The following RBFOX1 variants were observed in gnomAD, a reference collection of about 807,000 sequenced individuals.
The protein encoded by RBFOX1 is RNA binding fox-1 homolog 1.
Under a neutral mutation model 57.7 loss-of-function variants are expected in RBFOX1, and 8 were observed. The observed-to-expected ratio is 0.14, with a 90% CI of 0.08 to 0.25. RBFOX1 has a LOEUF of 0.25. Among genes scored for constraint, RBFOX1 ranks in the 10% least tolerant of loss-of-function variants. The pLI, the probability that RBFOX1 is intolerant of heterozygous loss-of-function variation, is 1.00. For missense variants in RBFOX1, 611 were observed against 548.5 expected (o/e 1.11, Z -1.14); for synonymous variants, 326 against 222.4 (o/e 1.47, Z -4.15).
chr16:7,417,534 G>GTGTATT (rs1555882428), intron 4 of RBFOX1, among the ~76,000 whole-genome samples: 8 of 150,344 alleles, frequency 5.3e-5, no homozygotes, highest in East Asian at 2.0e-4. Context: ...GGTATTGTGT[G>GTGTATT]TGTGTGTGTG....
intron 1 of RBFOX1, among the ~76,000 whole-genome samples, chr16:6,302,876 T>A (rs1047992957): frequency 6.6e-6 from 1 of 151,886 alleles, no homozygotes; most frequent in Non-Finnish European, 1.5e-5. Context: ...TAAGGGAGGG[T>A]TTTTAGGTAT....
intron 1 of RBFOX1, among the ~76,000 whole-genome samples, chr16:6,128,909 T>C (rs1247977137): frequency 6.6e-6 from 1 of 152,186 alleles, no homozygotes; most frequent in Non-Finnish European, 1.5e-5. Context: ...AGTTCCAGTT[T>C]CACTAGAATA....
chr16:5,487,728 G>T (rs2042677424), intron 2 of RBFOX1, among the ~76,000 whole-genome samples: 1 of 152,170 alleles, frequency 6.6e-6, no homozygotes, highest in Non-Finnish European at 1.5e-5. Context: ...GGCATAGGAA[G>T]TTTTGTCACA....
intron 1 of RBFOX1, among the ~76,000 whole-genome samples, chr16:6,138,221 C>T (rs897073754): frequency 6.6e-6 from 1 of 152,126 alleles, no homozygotes; most frequent in East Asian, 1.9e-4. Context: ...CCAGCCACAC[C>T]CTGCACTTGG....
At chr16:5,711,910 G>A (rs78775033) in intron 3 of RBFOX1, among the ~76,000 whole-genome samples, 112 of 152,302 alleles carry the variant, frequency 7.4e-4, no homozygotes, top group African/African-American at 2.5e-3. Context: ...GACCTGCTAT[G>A]CATTAGTTTG....
chr16:5,516,422 C>T (rs1399062089), intron 2 of RBFOX1, among the ~76,000 whole-genome samples: 1 of 152,184 alleles, frequency 6.6e-6, no homozygotes, highest in African/African-American at 2.4e-5. Context: ...TCCATTCCTT[C>T]CTTGTTGTTG....
At chr16:5,895,712 A>G (rs967249881) in intron 4 of RBFOX1, among the ~76,000 whole-genome samples, 1 of 152,168 alleles carries the variant, frequency 6.6e-6, no homozygotes, top group African/African-American at 2.4e-5. Flanking sequence ...ATAGGATCTA[A>G]GGGGCATCTC....
intron 2 of RBFOX1, among the ~76,000 whole-genome samples, chr16:5,552,161 C>T (rs1444667882): frequency 6.6e-6 from 1 of 152,164 alleles, no homozygotes; most frequent in African/African-American, 2.4e-5. Flanking sequence ...CGCAAGCGAG[C>T]TCTCAGCATC....
intron 4 of RBFOX1, among the ~76,000 whole-genome samples, chr16:7,437,215 A>G (rs1218392845): frequency 6.6e-6 from 1 of 151,500 alleles, no homozygotes; most frequent in African/African-American, 2.4e-5. Context: ...AAACAAACAT[A>G]CTATCCTCAA....
At chr16:6,968,453 C>T (rs559333869) in intron 3 of RBFOX1, among the ~76,000 whole-genome samples, 14 of 152,230 alleles carry the variant, frequency 9.2e-5, no homozygotes, top group East Asian at 3.9e-4. Context: ...TGCTGCCTGA[C>T]GCTATCCGGA....
chr16:6,249,277 A>G lies in RBFOX1; in HGVS notation c.-126-67718A>G, dbSNP rs569585834. On this transcript the variant is annotated intron_variant, in intron 1 of 15. Transcript: ENST00000550418. ...AAAAGAGACTTGTGACCATAATCCCAGCACTTTGGGAGGCCGAGGCAGATG... is the reference window on the plus strand; with the variant it reads ...AAAAGAGACTTGTGACCATAATCCCGGCACTTTGGGAGGCCGAGGCAGATG... 3.3e-5 allele frequency among the ~76,000 whole-genome samples: 5 copies of G among 152,342 alleles called. No homozygotes were observed. In the East Asian group the frequency reaches 7.7e-4, roughly 24 times the overall value.
At chr16:6,394,714 G>C (rs1038652965) in intron 2 of RBFOX1, among the ~76,000 whole-genome samples, 5 of 151,800 alleles carry the variant, frequency 3.3e-5, no homozygotes, top group Non-Finnish European at 5.9e-5. Context: ...GTGTAAGTAT[G>C]TATATACTCC....
At chr16:7,675,918 C>A (rs529615850) in intron 13 of RBFOX1, among the ~76,000 whole-genome samples, 2 of 152,324 alleles carry the variant, frequency 1.3e-5, no homozygotes, top group South Asian at 2.1e-4. Flanking sequence ...GTCCACTGAG[C>A]AAGAAGCTCT....
At chr16:6,858,083 GT>G (rs1567587039) in intron 3 of RBFOX1, among the ~76,000 whole-genome samples, 1 of 152,092 alleles carries the variant, frequency 6.6e-6, no homozygotes, top group Non-Finnish European at 1.5e-5. Context: ...TTTCATTGAT[GT>G]TTCTCTAACT....
intron 2 of RBFOX1, among the ~76,000 whole-genome samples, chr16:6,420,721 C>T (rs2093748599): frequency 6.6e-6 from 1 of 152,192 alleles, no homozygotes; most frequent in Non-Finnish European, 1.5e-5. Flanking sequence ...TTCACTTGTA[C>T]AATTGACAGC....
chr16:6,228,877 T>C (rs2152898271), intron 1 of RBFOX1, among the ~76,000 whole-genome samples: 1 of 152,308 alleles, frequency 6.6e-6, no homozygotes, highest in South Asian at 2.1e-4. Context: ...TGTATACATG[T>C]TTGAAATTTT....
intron 1 of RBFOX1, among the ~76,000 whole-genome samples, chr16:6,233,759 C>A (rs1407969551): frequency 1.3e-5 from 2 of 152,074 alleles, no homozygotes; most frequent in African/African-American, 4.8e-5. Context: ...CAGACATGAG[C>A]CACCATGCCC....
intron 4 of RBFOX1, among the ~76,000 whole-genome samples, chr16:7,136,100 G>T (rs2071872541): frequency 6.6e-6 from 1 of 152,180 alleles, no homozygotes; most frequent in Non-Finnish European, 1.5e-5. Flanking sequence ...TTGCAGGCAA[G>T]AATGTCAAAG....
intron 2 of RBFOX1, among the ~76,000 whole-genome samples, chr16:6,393,750 C>T (rs2092704991): frequency 6.6e-6 from 1 of 152,150 alleles, no homozygotes; most frequent in Non-Finnish European, 1.5e-5. Flanking sequence ...GCTGTGTGTT[C>T]CTTACCTCAT....
Sources: allele counts gnomAD v4.1 joint callset (sites outside exome capture counted in the v4.1 genomes callset), GRCh38; gene constraint gnomAD v4.1.1; transcripts MANE v1.5; gene names NCBI Gene and HGNC (gene_info 2026-07-23, HGNC 2026-07-21).